MAGI3: variants seen among roughly 807,000 people sequenced by gnomAD.
MAGI3 encodes membrane associated guanylate kinase, WW and PDZ domain containing 3, also known as membrane-associated guanylate kinase, WW and PDZ domain-containing protein 3.
MAGI3 carries 43 observed loss-of-function variants against 121.8 expected under a neutral mutation model. The ratio of observed to expected loss-of-function variants is 0.35; its 90% CI spans 0.28 to 0.46. The LOEUF is 0.46. Ranked by LOEUF, MAGI3 falls within the 20% of genes least tolerant of loss-of-function variation. The pLI, the probability that MAGI3 is intolerant of heterozygous loss-of-function variation, is 1.00. For missense variants in MAGI3, 1,547 were observed against 1,797.3 expected (o/e 0.86, Z 2.52); for synonymous variants, 553 against 639.3 (o/e 0.86, Z 2.04).
At chr1:113,631,916 G>A (rs555822300) in intron 9 of MAGI3, among the ~76,000 whole-genome samples, 2 of 152,296 alleles carry the variant, frequency 1.3e-5, no homozygotes, top group South Asian at 4.1e-4. Flanking sequence ...GGAGAAGGTT[G>A]AAGACTAGTT....
At chr1:113,602,796 C>T (rs1403068636) in intron 6 of MAGI3, among the ~76,000 whole-genome samples, 3 of 151,990 alleles carry the variant, frequency 2.0e-5, no homozygotes, top group Non-Finnish European at 4.4e-5. Context: ...TATGGTGGTG[C>T]CCACCTGTGG....
intron 1 of MAGI3, among the ~76,000 whole-genome samples, chr1:113,504,918 A>G (rs1042485632): frequency 6.6e-6 from 1 of 152,198 alleles, no homozygotes; most frequent in African/African-American, 2.4e-5. Context: ...CTGTTGAATG[A>G]GGAAAGAAAG....
At chr1:113,522,316 G>A (rs1658238581) in intron 1 of MAGI3, among the ~76,000 whole-genome samples, 1 of 152,170 alleles carries the variant, frequency 6.6e-6, no homozygotes, top group Non-Finnish European at 1.5e-5. Flanking sequence ...TGTTGGCCAG[G>A]CTGGCCTTGA....
At chr1:113,404,115 A>C (rs1651552297) in intron 1 of MAGI3, 1 of 152,146 alleles carries the variant, frequency 6.6e-6, no homozygotes, top group Admixed American at 6.6e-5. Context: ...ACTGCTGCTG[A>C]GACATCTATG....
chr1:113,608,869 G>T (rs1445604048), intron 6 of MAGI3, among the ~76,000 whole-genome samples: 1 of 152,116 alleles, frequency 6.6e-6, no homozygotes, highest in South Asian at 2.1e-4. Context: ...GCTTTTTCCT[G>T]TTGCCCCAAC....
intron 1 of MAGI3, among the ~76,000 whole-genome samples, chr1:113,488,479 G>A (rs1050795184): frequency 2.0e-5 from 3 of 152,004 alleles, no homozygotes; most frequent in Non-Finnish European, 4.4e-5. Context: ...GGTGCCCTGG[G>A]GGGCCTGCAT....
intron 1 of MAGI3, among the ~76,000 whole-genome samples, chr1:113,483,321 C>G (rs1656201371): frequency 6.6e-6 from 1 of 152,116 alleles, no homozygotes; most frequent in African/African-American, 2.4e-5. Context: ...ATGTTGAAAC[C>G]TAATCCCCAA....
intron 6 of MAGI3, among the ~76,000 whole-genome samples, chr1:113,611,370 G>A (rs1324345558): frequency 6.6e-6 from 1 of 152,094 alleles, no homozygotes; most frequent in Non-Finnish European, 1.5e-5. Context: ...TTACAGGCGT[G>A]AGTCACCGTG....
At chr1:113,598,803 A>C (rs182964582) in intron 6 of MAGI3, among the ~76,000 whole-genome samples, 1 of 152,158 alleles carries the variant, frequency 6.6e-6, no homozygotes. Flanking sequence ...GACTTAAACT[A>C]CACTCTAGAA....
chr1:113,514,816 C>G (rs1657806239), intron 1 of MAGI3, among the ~76,000 whole-genome samples: 1 of 152,060 alleles, frequency 6.6e-6, no homozygotes, highest in African/African-American at 2.4e-5. Flanking sequence ...TTGTAGTTTT[C>G]TTAAACCACA....
At chr1:113,547,049 C>CTCCA (rs1198105255) in intron 1 of MAGI3, among the ~76,000 whole-genome samples, 1 of 148,512 alleles carries the variant, frequency 6.7e-6, no homozygotes, top group Non-Finnish European at 1.5e-5. Flanking sequence ...TGCCACTGCA[C>CTCCA]TCCAACCTGG....
chr1:113,640,123 G>T (rs1029112754), intron 9 of MAGI3, among the ~76,000 whole-genome samples: 1 of 152,148 alleles, frequency 6.6e-6, no homozygotes, highest in Non-Finnish European at 1.5e-5. Flanking sequence ...ACAAGCATAT[G>T]AAAAAAAGCT....
At chr1:113,405,733 C>G (rs1651649640) in intron 1 of MAGI3, among the ~76,000 whole-genome samples, 1 of 152,094 alleles carries the variant, frequency 6.6e-6, no homozygotes, top group African/African-American at 2.4e-5. Flanking sequence ...CTCAACTTCT[C>G]TGCTGCCTTT....
At chr1:113,441,745 G>A (rs1231115685) in intron 1 of MAGI3, among the ~76,000 whole-genome samples, 1 of 152,190 alleles carries the variant, frequency 6.6e-6, no homozygotes, top group Non-Finnish European at 1.5e-5. Flanking sequence ...TGGATAATTA[G>A]TTGCCTGATT....
intron 1 of MAGI3, among the ~76,000 whole-genome samples, chr1:113,444,867 A>C (rs536705675): frequency 6.6e-6 from 1 of 152,280 alleles, no homozygotes; most frequent in Admixed American, 6.5e-5. Context: ...TCAAGAACAT[A>C]ATGTATGAAC....
chr1:113,396,287 TTGTGTGTGTG>T (rs3058309), intron 1 of MAGI3, among the ~76,000 whole-genome samples: 3 of 146,976 alleles, frequency 2.0e-5, no homozygotes, highest in East Asian at 4.0e-4. Flanking sequence ...AATGTCAGGG[TTGTGTGTGTG>T]TGTGTGTGTG....
intron 3 of MAGI3, chr1:113,581,038 C>T (rs1009883578): frequency 6.5e-6 from 1 of 152,736 alleles, no homozygotes; most frequent in Non-Finnish European, 1.5e-5. Flanking sequence ...CCTTGACTAT[C>T]CTGGAAAAAA....
intron 19 of MAGI3, among the ~76,000 whole-genome samples, chr1:113,674,092 T>C (rs1647720862): frequency 6.6e-6 from 1 of 152,208 alleles, no homozygotes; most frequent in Non-Finnish European, 1.5e-5. Flanking sequence ...AGAGGAATCT[T>C]ATATAGAAGA....
rs781125508 is a variant in MAGI3 at position 113,646,548 on chromosome 1, T to G, written c.2061T>G (p.Pro687=). The change falls in exon 12 of 21, where the codon CCT becomes CCG. Residue 687 remains proline (P), a synonymous_variant. Coordinates refer to ENST00000307546, the MANE Select transcript of MAGI3 (RefSeq NM_001142782.2). ...CCATAAATGAGCCTATTCCTCAGCCTATGCCTTTTCCACCGAGCATTATCA... is the reference window on the plus strand; with the variant it reads ...CCATAAATGAGCCTATTCCTCAGCCGATGCCTTTTCCACCGAGCATTATCA... ...LEAINEPIPQ[P]MPFPPSIIRS... is the part of the protein sequence containing the mutation. 1 of 1,613,692 alleles carries G rather than the reference T, an allele frequency of 6.2e-7. No homozygotes were observed. Among genetic ancestry groups the G allele is most frequent in the Admixed American group, 1.7e-5 (1 of 59,994 alleles).
Sources: allele counts gnomAD v4.1 joint callset (sites outside exome capture counted in the v4.1 genomes callset), GRCh38; gene constraint gnomAD v4.1.1; transcripts MANE v1.5; gene names NCBI Gene and HGNC (gene_info 2026-07-23, HGNC 2026-07-21).